Variants in DLG2 observed in about 807,000 individuals in gnomAD.
DLG2 encodes the protein discs large MAGUK scaffold protein 2.
In DLG2, 45 loss-of-function variants were observed where a neutral mutation model predicts 132.5. The ratio of observed to expected loss-of-function variants is 0.34; its 90% confidence interval spans 0.27 to 0.44. The LOEUF is 0.44. Among genes scored for constraint, DLG2 ranks in the 20% least tolerant of loss-of-function variants. DLG2 has a pLI of 1.00. For synonymous variants in DLG2, 424 were observed against 419.6 expected (o/e 1.01, Z -0.13); for missense variants, 1,045 against 1,196.9 (o/e 0.87, Z 1.87).
chr11:84,868,834 T>C (rs2085034511), intron 6 of DLG2, among the ~76,000 whole-genome samples: 1 of 152,202 alleles, frequency 6.6e-6, no homozygotes, highest in African/African-American at 2.4e-5. Flanking sequence ...GCAAAATTTA[T>C]CAGCAAGGTG....
At chr11:84,754,818 C>T (rs1273668659) in intron 6 of DLG2, among the ~76,000 whole-genome samples, 2 of 152,142 alleles carry the variant, frequency 1.3e-5, no homozygotes, top group African/African-American at 2.4e-5. Context: ...AGGTAGATTA[C>T]TCAATTGTTA....
intron 19 of DLG2, among the ~76,000 whole-genome samples, chr11:83,543,126 A>C (rs2096130028): frequency 6.6e-6 from 1 of 152,160 alleles, no homozygotes; most frequent in South Asian, 2.1e-4. Context: ...ATTGCAACGT[A>C]GTCCCTTCTT....
intron 8 of DLG2, among the ~76,000 whole-genome samples, chr11:84,219,489 A>G (rs2096885123): frequency 6.6e-6 from 1 of 152,246 alleles, no homozygotes; most frequent in South Asian, 2.1e-4. Flanking sequence ...TTTTAAATTT[A>G]GATTATTTTT....
intron 18 of DLG2, among the ~76,000 whole-genome samples, chr11:83,695,456 G>A (rs547080787): frequency 6.6e-6 from 1 of 152,252 alleles, no homozygotes; most frequent in South Asian, 2.1e-4. Context: ...CAGTAAAAGA[G>A]TCCTAGCTGG....
intron 20 of DLG2, among the ~76,000 whole-genome samples, chr11:83,540,115 C>A (rs747141018): frequency 4.6e-5 from 7 of 152,184 alleles, no homozygotes; most frequent in African/African-American, 7.2e-5. Flanking sequence ...CCTTCCTCCA[C>A]CCCATTACTA....
intron 14 of DLG2, among the ~76,000 whole-genome samples, chr11:83,946,118 T>A (rs2083878917): frequency 6.6e-6 from 1 of 150,898 alleles, no homozygotes; most frequent in South Asian, 2.1e-4. Context: ...GCCGCCGGAG[T>A]GGCTGGGATT....
chr11:83,724,717 A>C (rs1017568981), intron 18 of DLG2: 49 of 622,726 alleles, frequency 7.9e-5, no homozygotes, highest in Middle Eastern at 3.0e-4. Context: ...AGCAGTGGCT[A>C]CTAACAAACG....
chr11:84,164,229 A>C (rs2095611661), intron 8 of DLG2, among the ~76,000 whole-genome samples: 1 of 152,240 alleles, frequency 6.6e-6, no homozygotes, highest in Admixed American at 6.5e-5. Flanking sequence ...AGATTTCCAC[A>C]AATGTGCACA....
chr11:85,055,154 A>C (rs2063324251), intron 6 of DLG2, among the ~76,000 whole-genome samples: 1 of 152,228 alleles, frequency 6.6e-6, no homozygotes, highest in Non-Finnish European at 1.5e-5. Context: ...AAAGATGCTC[A>C]AATGGACACA....
intron 6 of DLG2, among the ~76,000 whole-genome samples, chr11:85,089,107 A>C (rs1221085594): frequency 6.6e-6 from 1 of 152,000 alleles, no homozygotes; most frequent in African/African-American, 2.4e-5. Context: ...TCTTTTGTAT[A>C]CTCAGTAAAC....
chr11:85,544,429 G>A (rs1157376650), intron 3 of DLG2, among the ~76,000 whole-genome samples: 1 of 152,188 alleles, frequency 6.6e-6, no homozygotes, highest in East Asian at 1.9e-4. Flanking sequence ...GTAGTGTGAT[G>A]CTACCAGCTT....
chr11:85,442,894 G>GAAGAAGAAGAAGGGAAGAAGAAGA (rs2091852133), intron 3 of DLG2, among the ~76,000 whole-genome samples: 1 of 151,234 alleles, frequency 6.6e-6, no homozygotes, highest in Admixed American at 6.6e-5. Context: ...AAGGAAGAAG[G>GAAGAAGAAGAAGGGAAGAAGAAGA]AAGAAGAAGA....
At chr11:84,786,159 A>G (rs1479934176) in intron 6 of DLG2, among the ~76,000 whole-genome samples, 6 of 152,070 alleles carry the variant, frequency 3.9e-5, no homozygotes, top group Non-Finnish European at 8.8e-5. Flanking sequence ...TTTACTTAAC[A>G]TTAGTCATAG....
In DLG2 at chr11:84,319,427, C is replaced by A. The variant is rs527586662; in HGVS notation, c.520-68136G>T. ...CTCCAATCTTATCTAACCATAGATGCTTCTCTAGTTTTTTAGGCAGATATC... is the reference window on the plus strand; with the variant it reads ...CTCCAATCTTATCTAACCATAGATGATTCTCTAGTTTTTTAGGCAGATATC... On this transcript the variant is annotated intron_variant, in intron 7 of 27. Transcript: ENST00000376104. Among the ~76,000 whole-genome samples the A allele has an allele frequency of 2.3e-4, 35 of 152,234 alleles. 1 individual carries two copies. The highest frequency in any genetic ancestry group is 8.2e-4 in the African/African-American group (34 of 41,556).
At chr11:85,509,580 A>G (rs1358824802) in intron 3 of DLG2, among the ~76,000 whole-genome samples, 1 of 152,026 alleles carries the variant, frequency 6.6e-6, no homozygotes, top group Admixed American at 6.6e-5. Context: ...CTGTCTCAAC[A>G]TTTTTTAAAG....
intron 21 of DLG2, among the ~76,000 whole-genome samples, chr11:83,513,021 A>G (rs557660503): frequency 6.6e-6 from 1 of 152,284 alleles, no homozygotes; most frequent in East Asian, 1.9e-4. Context: ...TAGCAGCATG[A>G]TTTATAATCC....
chr11:83,963,142 C>G, intron 13 of DLG2, 119 bp from the exon 14 acceptor site: 1 of 1,108,156 alleles, frequency 9.0e-7, no homozygotes. Context: ...CAAGGTTTTT[C>G]TTGTCCTCCC....
At chr11:85,527,789 T>C (rs556946201) in intron 3 of DLG2, among the ~76,000 whole-genome samples, 7 of 152,326 alleles carry the variant, frequency 4.6e-5, no homozygotes, top group South Asian at 2.1e-4. Context: ...TCCACAATCA[T>C]TGAACTAATT....
chr11:83,625,862 G>A (rs2062433314), intron 19 of DLG2, among the ~76,000 whole-genome samples: 1 of 152,216 alleles, frequency 6.6e-6, no homozygotes, highest in African/African-American at 2.4e-5. Context: ...TCCTGAGGAT[G>A]CAACCAGACT....
Sources: allele counts gnomAD v4.1 joint callset (sites outside exome capture counted in the v4.1 genomes callset), GRCh38; gene constraint gnomAD v4.1.1; transcripts MANE v1.5; gene names NCBI Gene and HGNC (gene_info 2026-07-23, HGNC 2026-07-21).